LRP1B: variants seen among roughly 807,000 people sequenced by gnomAD.
LRP1B encodes the protein LDL receptor related protein 1B.
In LRP1B, 217 loss-of-function variants were observed where a neutral mutation model predicts 556.6. The ratio of observed to expected loss-of-function variants is 0.39; its 90% CI spans 0.35 to 0.44. The LOEUF is 0.44. LRP1B is among the 20% of genes least tolerant of loss of function. LRP1B has a pLI of 1.00. For missense variants in LRP1B, 5,053 were observed against 5,620.8 expected (o/e 0.90, Z 3.23); for synonymous variants, 2,047 against 1,865.8 (o/e 1.10, Z -2.50).
chr2:140,511,631 C>G (rs1689666968), intron 51 of LRP1B, among the ~76,000 whole-genome samples: 1 of 152,146 alleles, frequency 6.6e-6, no homozygotes, highest in Non-Finnish European at 1.5e-5. Flanking sequence ...TATAAACATA[C>G]CTGTCCTTGA....
intron 2 of LRP1B, among the ~76,000 whole-genome samples, chr2:141,714,919 A>C (rs1396239821): frequency 6.6e-6 from 1 of 152,294 alleles, no homozygotes; most frequent in African/African-American, 2.4e-5. Context: ...AAACAGCTAG[A>C]AGCTCCAACA....
intron 3 of LRP1B, among the ~76,000 whole-genome samples, chr2:141,300,638 T>A (rs1020489130): frequency 6.6e-6 from 1 of 152,118 alleles, no homozygotes; most frequent in Non-Finnish European, 1.5e-5. Context: ...AGTAAGTTCT[T>A]ATGAGATTTG....
intron 3 of LRP1B, among the ~76,000 whole-genome samples, chr2:141,359,728 C>G (rs1394410315): frequency 1.3e-5 from 2 of 152,278 alleles, no homozygotes; most frequent in East Asian, 3.9e-4. Flanking sequence ...CGCACTCCAG[C>G]CTGGGCTATA....
intron 14 of LRP1B, among the ~76,000 whole-genome samples, chr2:141,005,891 T>C (rs1172211999): frequency 2.0e-5 from 3 of 151,924 alleles, no homozygotes; most frequent in Non-Finnish European, 2.9e-5. Context: ...TCTTGTGCAG[T>C]ATACACCGGA....
intron 3 of LRP1B, among the ~76,000 whole-genome samples, chr2:141,468,781 T>C (rs1682340259): frequency 6.6e-6 from 1 of 152,194 alleles, no homozygotes; most frequent in Non-Finnish European, 1.5e-5. Flanking sequence ...TGTACTGTAC[T>C]CTAAATAAGA....
intron 3 of LRP1B, among the ~76,000 whole-genome samples, chr2:141,313,567 T>C (rs1335900415): frequency 1.3e-5 from 2 of 152,274 alleles, no homozygotes; most frequent in Middle Eastern, 3.4e-3. Flanking sequence ...AGTCTTTTTT[T>C]CCCTCTCTTT....
In LRP1B at chr2:140,780,464, T is replaced by C. The variant is rs915156619; in HGVS notation, c.5360-4226A>G. On this transcript the variant is annotated intron_variant, in intron 32 of 90. Transcript: ENST00000389484. ...GCCAAAGCCCCTCACCATGGGGACA[T>C]GGGTGATTGAGTGAGGCTAAGACTA... 4.6e-5 allele frequency among the ~76,000 whole-genome samples: 7 copies of C among 152,152 alleles called. No individual in the cohort carries two copies. The East Asian group carries it at 1.2e-3, about 25-fold the overall frequency.
chr2:141,314,081 A>G (rs1686908628), intron 3 of LRP1B, among the ~76,000 whole-genome samples: 1 of 152,112 alleles, frequency 6.6e-6, no homozygotes, highest in African/African-American at 2.4e-5. Context: ...TTATGTTTTT[A>G]TCTTGGCCTT....
intron 2 of LRP1B, among the ~76,000 whole-genome samples, chr2:141,807,191 TG>T (rs1696192233): frequency 6.6e-6 from 1 of 152,068 alleles, no homozygotes; most frequent in African/African-American, 2.4e-5. Context: ...TACAAAGTAC[TG>T]TGATTACAGA....
chr2:141,452,207 T>C (rs918998426), intron 3 of LRP1B, among the ~76,000 whole-genome samples: 2 of 152,142 alleles, frequency 1.3e-5, no homozygotes, highest in South Asian at 2.1e-4. Flanking sequence ...ATAAGAGGTG[T>C]AGAGCATCAC....
chr2:141,025,216 T>C (rs970468882), intron 11 of LRP1B, among the ~76,000 whole-genome samples: 1 of 152,016 alleles, frequency 6.6e-6, no homozygotes. Context: ...TGCACTGATT[T>C]ACACAACCAC....
chr2:140,615,873 C>T (rs920821048), intron 41 of LRP1B, among the ~76,000 whole-genome samples: 2 of 152,030 alleles, frequency 1.3e-5, no homozygotes, highest in African/African-American at 4.8e-5. Flanking sequence ...AGATTCTATA[C>T]TTATCTTGCT....
intron 1 of LRP1B, among the ~76,000 whole-genome samples, chr2:142,092,504 G>T (rs757046099): frequency 2.6e-5 from 4 of 152,008 alleles, no homozygotes; most frequent in Non-Finnish European, 5.9e-5. Context: ...AAAATTAATA[G>T]ATATGGTAGA....
intron 3 of LRP1B, among the ~76,000 whole-genome samples, chr2:141,448,269 C>G (rs980930074): frequency 6.6e-6 from 1 of 152,174 alleles, no homozygotes; most frequent in Non-Finnish European, 1.5e-5. Context: ...CCTCCCCCAA[C>G]CAAGCTCAAG....
intron 7 of LRP1B, among the ~76,000 whole-genome samples, chr2:141,107,927 A>AT (rs1700648345): frequency 6.6e-6 from 1 of 152,110 alleles, no homozygotes; most frequent in African/African-American, 2.4e-5. Flanking sequence ...TAAATCACAC[A>AT]TTTTTAATAC....
At chr2:140,372,964 A>C (rs1396249558) in intron 69 of LRP1B, 44 bp downstream of exon 69, 1 of 1,601,812 alleles carries the variant, frequency 6.2e-7, no homozygotes, top group Admixed American at 1.7e-5. Flanking sequence ...AATTCTATCA[A>C]GGTAAAATGT....
intron 1 of LRP1B, among the ~76,000 whole-genome samples, chr2:142,010,576 A>AAAAG (rs1559020057): frequency 2.0e-5 from 3 of 150,798 alleles, no homozygotes; most frequent in African/African-American, 2.4e-5. Flanking sequence ...AAAAAAAAAA[A>AAAAG]AAAGAAAGAA....
intron 27 of LRP1B, among the ~76,000 whole-genome samples, chr2:140,859,251 T>G (rs1283528399): frequency 6.6e-6 from 1 of 152,206 alleles, no homozygotes; most frequent in Non-Finnish European, 1.5e-5. Flanking sequence ...AAAAAACCTT[T>G]TATTAATCAT....
At chr2:140,860,731 C>A (rs1182934679) in intron 27 of LRP1B, among the ~76,000 whole-genome samples, 1 of 151,682 alleles carries the variant, frequency 6.6e-6, no homozygotes, top group Non-Finnish European at 1.5e-5. Flanking sequence ...ACAGAAAAAC[C>A]CAGGGTGGTA....
Sources: gnomAD v4.1 joint callset for allele counts (sites outside exome capture counted in the v4.1 genomes callset) on GRCh38, gnomAD v4.1.1 for gene constraint, MANE v1.5 for transcripts, NCBI Gene and HGNC (gene_info 2026-07-23, HGNC 2026-07-21) for gene names.